Variants in FNDC3B observed in about 807,000 individuals in gnomAD.
FNDC3B encodes the protein fibronectin type III domain-containing protein 3B.
In FNDC3B, 12 loss-of-function variants were observed where a neutral mutation model predicts 151.5. That is an observed-to-expected ratio of 0.08 (90% CI 0.05 to 0.13). The LOEUF is 0.13. Ranked by LOEUF, FNDC3B falls within the 10% of genes least tolerant of loss-of-function variation. The pLI is 1.00. For synonymous variants in FNDC3B, 528 were observed against 549.0 expected (o/e 0.96, Z 0.54); for missense variants, 1,214 against 1,505.3 (o/e 0.81, Z 3.20).
intron 3 of FNDC3B, among the ~76,000 whole-genome samples, chr3:172,151,132 T>G (rs1722199135): frequency 6.6e-6 from 1 of 152,212 alleles, no homozygotes; most frequent in African/African-American, 2.4e-5. Flanking sequence ...GTTTGTCTCA[T>G]TATGCGGAAA....
chr3:172,154,066 C>T (rs1036499714), intron 3 of FNDC3B, among the ~76,000 whole-genome samples: 9 of 152,266 alleles, frequency 5.9e-5, no homozygotes, highest in Non-Finnish European at 5.9e-5. Flanking sequence ...GCGCTTGTTT[C>T]AGCCACTACT....
intron 3 of FNDC3B, among the ~76,000 whole-genome samples, chr3:172,137,267 T>G (rs1183152742): frequency 1.3e-5 from 2 of 152,162 alleles, no homozygotes; most frequent in Non-Finnish European, 2.9e-5. Context: ...GCCTGATAAT[T>G]TTATCTGTAG....
intron 3 of FNDC3B, among the ~76,000 whole-genome samples, chr3:172,224,720 G>T (rs111387330): frequency 3.5e-4 from 52 of 148,610 alleles, no homozygotes; most frequent in African/African-American, 1.3e-3. Flanking sequence ...CAAATAAAGT[G>T]TTGTATTTCT....
At chr3:172,268,839 A>G (rs927693162) in intron 6 of FNDC3B, among the ~76,000 whole-genome samples, 4 of 152,182 alleles carry the variant, frequency 2.6e-5, no homozygotes, top group Non-Finnish European at 5.9e-5. Flanking sequence ...TGATTTTTCC[A>G]TACAAATATC....
At chr3:172,093,107 T>A (rs756930197) in intron 1 of FNDC3B, among the ~76,000 whole-genome samples, 2 of 150,322 alleles carry the variant, frequency 1.3e-5, no homozygotes, top group Non-Finnish European at 3.0e-5. Flanking sequence ...CATGAGCCAC[T>A]GCACCTGGCC....
At chr3:172,386,263 C>A (rs1735700095) in intron 25 of FNDC3B, among the ~76,000 whole-genome samples, 2 of 147,434 alleles carry the variant, frequency 1.4e-5, no homozygotes, top group African/African-American at 4.9e-5. Context: ...CAGTTTCATG[C>A]ATAGTAAGAA....
intron 6 of FNDC3B, among the ~76,000 whole-genome samples, chr3:172,278,301 G>A (rs1321930434): frequency 1.3e-5 from 2 of 151,872 alleles, no homozygotes; most frequent in African/African-American, 4.8e-5. Flanking sequence ...TTGTGGAAAC[G>A]TTTGTAGACT....
At chr3:172,079,592 G>T (rs1718183665) in intron 1 of FNDC3B, among the ~76,000 whole-genome samples, 1 of 152,214 alleles carries the variant, frequency 6.6e-6, no homozygotes, top group South Asian at 2.1e-4. Flanking sequence ...TAGCACTGGG[G>T]ATGGGAGATA....
At chr3:172,329,143 A>G (rs6799133) in intron 12 of FNDC3B, 67 bp downstream of exon 12, 711,988 of 1,532,564 alleles carry the variant, frequency 0.46, 172,747 homozygotes, top group African/African-American at 0.77. Context: ...TCTTTTACAT[A>G]GCTGGAAGGC....
At chr3:172,096,885 C>A (rs1719115803) in intron 1 of FNDC3B, among the ~76,000 whole-genome samples, 1 of 150,648 alleles carries the variant, frequency 6.6e-6, no homozygotes, top group South Asian at 2.1e-4. Context: ...GGGATGAGGG[C>A]GGGTGGGCTG....
At chr3:172,250,396 T>G (rs940843256) in intron 5 of FNDC3B, among the ~76,000 whole-genome samples, 3 of 152,230 alleles carry the variant, frequency 2.0e-5, no homozygotes, top group Non-Finnish European at 2.9e-5. Flanking sequence ...TTGATTATTT[T>G]AAATGGAAAT....
chr3:172,070,286 CAATA>C (rs760587861), intron 1 of FNDC3B, among the ~76,000 whole-genome samples: 6,568 of 152,236 alleles, frequency 0.043, 195 homozygotes, highest in South Asian at 0.063. Flanking sequence ...TGAGATCTGT[CAATA>C]GAGTGCAACC....
chr3:172,051,211 G>A (rs1219774391), intron 1 of FNDC3B, among the ~76,000 whole-genome samples: 1 of 150,920 alleles, frequency 6.6e-6, no homozygotes, highest in Non-Finnish European at 1.5e-5. Context: ...AACCTCCCAA[G>A]TAGCTGGGAT....
chr3:172,258,502 A>G (rs1728484916), intron 6 of FNDC3B, among the ~76,000 whole-genome samples: 1 of 152,196 alleles, frequency 6.6e-6, no homozygotes, highest in East Asian at 1.9e-4. Flanking sequence ...AAGCAGCAAG[A>G]AAGTGTATTC....
intron 1 of FNDC3B, among the ~76,000 whole-genome samples, chr3:172,053,459 A>C (rs1384229255): frequency 6.6e-6 from 1 of 152,086 alleles, no homozygotes; most frequent in African/African-American, 2.4e-5. Context: ...CATGTGCTCA[A>C]CCTGTCTATT....
intron 9 of FNDC3B, among the ~76,000 whole-genome samples, chr3:172,301,349 T>C (rs1407752005): frequency 3.9e-5 from 6 of 152,238 alleles, no homozygotes; most frequent in Non-Finnish European, 7.3e-5. Flanking sequence ...GAGATGAAGA[T>C]GTATTTTACT....
chr3:172,185,301 C>T (rs1320666900), intron 3 of FNDC3B, among the ~76,000 whole-genome samples: 1 of 152,180 alleles, frequency 6.6e-6, no homozygotes, highest in African/African-American at 2.4e-5. Context: ...CCTTTCTGGC[C>T]CCTCATCTTC....
At chr3:172,364,895 T>A (rs978454153) in intron 23 of FNDC3B, among the ~76,000 whole-genome samples, 18 of 152,274 alleles carry the variant, frequency 1.2e-4, no homozygotes, top group African/African-American at 4.3e-4. Context: ...ATTTATCTTT[T>A]TAAATTAGAT....
intron 1 of FNDC3B, among the ~76,000 whole-genome samples, chr3:172,092,634 G>A (rs914816663): frequency 6.6e-6 from 1 of 152,174 alleles, no homozygotes; most frequent in African/African-American, 2.4e-5. Flanking sequence ...ACTGTGAACC[G>A]TAGTAATTTT....
Sources: gnomAD v4.1 joint callset for allele counts (sites outside exome capture counted in the v4.1 genomes callset) on GRCh38, gnomAD v4.1.1 for gene constraint, MANE v1.5 for transcripts, NCBI Gene and HGNC (gene_info 2026-07-23, HGNC 2026-07-21) for gene names.